TUSC3: variants seen among roughly 807,000 people sequenced by gnomAD.
TUSC3 encodes tumor suppressor candidate 3.
A neutral mutation model predicts 44.8 loss-of-function variants in TUSC3; 45 were observed. That is an observed-to-expected ratio of 1.00 (90% CI 0.79 to 1.29). The LOEUF is 1.29. Ranked by LOEUF, TUSC3 falls within the 50% of genes most tolerant of loss-of-function variation. TUSC3 has a pLI of 0.00. For synonymous variants in TUSC3, 212 were observed against 152.9 expected, an observed-to-expected ratio of 1.39 and a Z score of -2.85; for missense variants, 519 against 437.9, an observed-to-expected ratio of 1.19 and a Z score of -1.65.
At chr8:15,781,257 G>T in the TUSC3 span, among the ~76,000 whole-genome samples, 2 of 152,200 alleles carry the variant, frequency 1.3e-5, no homozygotes, top group Non-Finnish European at 2.9e-5. Flanking sequence ...TCGGCTTCAT[G>T]ATGGGGATAC....
the TUSC3 span, among the ~76,000 whole-genome samples, chr8:15,819,987 T>C: frequency 6.6e-6 from 1 of 152,328 alleles, no homozygotes; most frequent in East Asian, 1.9e-4. Context: ...TGTCAATTAT[T>C]ATGCTGACTA....
upstream of TUSC3, among the ~76,000 whole-genome samples, chr8:15,535,632 C>T (rs565837675): frequency 7.9e-4 from 121 of 152,208 alleles, no homozygotes; most frequent in Middle Eastern, 3.4e-3. Context: ...ATAAAGCAAG[C>T]GCTATTCTAG....
At chr8:15,417,838 C>A (rs374289460) in intron 1 of TUSC3, among the ~76,000 whole-genome samples, 6 of 152,198 alleles carry the variant, frequency 3.9e-5, no homozygotes, top group Admixed American at 6.5e-5. Context: ...AATAAGACTG[C>A]GGCCTTTCTC....
intron 2 of TUSC3, among the ~76,000 whole-genome samples, chr8:15,504,599 ATATATATATATATATATATATATTTT>A (rs1338012843): frequency 2.2e-4 from 8 of 35,914 alleles, no homozygotes; most frequent in East Asian, 7.9e-4. Flanking sequence ...ATATATATAT[ATATATATATATATATATATATATTTT>A]TTTTTTTTTT....
intron 6 of TUSC3, among the ~76,000 whole-genome samples, chr8:15,688,535 C>A (rs1808740988): frequency 6.6e-6 from 1 of 150,784 alleles, no homozygotes; most frequent in African/African-American, 2.4e-5. Context: ...TATTTCATTG[C>A]CCAGGTAATC....
the TUSC3 span, chr8:15,806,168 T>C: frequency 4.1e-6 from 2 of 482,610 alleles, no homozygotes; most frequent in Non-Finnish European, 8.0e-6. Context: ...CATCAGTTGA[T>C]GTGGAGTCAC....
chr8:15,474,172 C>T (rs552113808), intron 1 of TUSC3, among the ~76,000 whole-genome samples: 23 of 152,232 alleles, frequency 1.5e-4, no homozygotes, highest in South Asian at 8.3e-4. Flanking sequence ...CTGTTTTGCC[C>T]GACCTCACAG....
chr8:15,616,034 G>C (rs1194084787), intron 1 of TUSC3, among the ~76,000 whole-genome samples: 2 of 152,158 alleles, frequency 1.3e-5, no homozygotes, highest in Non-Finnish European at 2.9e-5. Context: ...GGGCCTCACT[G>C]TGCTGCAGTC....
At chr8:15,480,368 A>G (rs1259796087) in intron 1 of TUSC3, among the ~76,000 whole-genome samples, 1 of 152,220 alleles carries the variant, frequency 6.6e-6, no homozygotes, top group East Asian at 1.9e-4. Context: ...ATTTTCATGA[A>G]CATATGCTAT....
intron 1 of TUSC3, among the ~76,000 whole-genome samples, chr8:15,595,105 C>A (rs533417102): frequency 6.6e-6 from 1 of 152,142 alleles, no homozygotes; most frequent in Non-Finnish European, 1.5e-5. Context: ...ATATTGCATT[C>A]CCATCACTTT....
intron 6 of TUSC3, among the ~76,000 whole-genome samples, chr8:15,691,417 A>G (rs760402380): frequency 2.4e-4 from 36 of 152,166 alleles, no homozygotes; most frequent in Non-Finnish European, 4.4e-4. Flanking sequence ...GACAGAGACT[A>G]TGGGGTTTTC....
At chr8:15,418,685 T>C (rs1799690041) in intron 1 of TUSC3, among the ~76,000 whole-genome samples, 1 of 152,190 alleles carries the variant, frequency 6.6e-6, no homozygotes. Flanking sequence ...ATGCTGTTTT[T>C]GTCAATACCT....
intron 1 of TUSC3, among the ~76,000 whole-genome samples, chr8:15,598,587 G>GTCTGTGTCTCACGTAT (rs11275085): frequency 1.7e-4 from 26 of 151,318 alleles, no homozygotes; most frequent in African/African-American, 6.0e-4. Context: ...CCTAAAACTC[G>GTCTGTGTCTCACGTAT]TCATACTTCC....
chr8:15,495,792 G>A (rs1462812251), intron 2 of TUSC3, among the ~76,000 whole-genome samples: 1 of 152,040 alleles, frequency 6.6e-6, no homozygotes, highest in Non-Finnish European at 1.5e-5. Context: ...GAGATCATAG[G>A]CTTATATTGG....
At chr8:15,570,710 A>G (rs1244110132) in intron 1 of TUSC3, among the ~76,000 whole-genome samples, 1 of 151,968 alleles carries the variant, frequency 6.6e-6, no homozygotes, top group Non-Finnish European at 1.5e-5. Flanking sequence ...AGTTGAAGTA[A>G]TTTGCCTGGA....
At chr8:15,729,652 C>G (rs958581470) in intron 6 of TUSC3, among the ~76,000 whole-genome samples, 9 of 152,024 alleles carry the variant, frequency 5.9e-5, no homozygotes, top group African/African-American at 2.2e-4. Context: ...TAAGTAGTAG[C>G]TAAACATTGA....
intron 1 of TUSC3, among the ~76,000 whole-genome samples, chr8:15,576,302 T>TTA (rs1803111106): frequency 6.7e-6 from 1 of 148,574 alleles, no homozygotes; most frequent in Admixed American, 6.7e-5. Flanking sequence ...ATTTTTTTAT[T>TTA]TTTTTATTTA....
At chr8:15,660,470 C>T (rs1194430666) in intron 4 of TUSC3, among the ~76,000 whole-genome samples, 2 of 151,922 alleles carry the variant, frequency 1.3e-5, no homozygotes, top group African/African-American at 4.8e-5. Flanking sequence ...GTAGTTCATA[C>T]TTACTTGGAG....
At chr8:15,847,949 A>G in the TUSC3 span, among the ~76,000 whole-genome samples, 42 of 152,300 alleles carry the variant, frequency 2.8e-4, no homozygotes, top group Admixed American at 1.8e-3. Flanking sequence ...CTTTCAGAAA[A>G]TATTAATTGC....
Sources: gnomAD v4.1 joint callset for allele counts (sites outside exome capture counted in the v4.1 genomes callset) on GRCh38, gnomAD v4.1.1 for gene constraint, MANE v1.5 for transcripts, NCBI Gene and HGNC (gene_info 2026-07-23, HGNC 2026-07-21) for gene names.